Variants in MYBBP1A observed in about 807,000 individuals in gnomAD.
MYBBP1A encodes myb-binding protein 1A.
In MYBBP1A, 147 loss-of-function variants were observed where a neutral mutation model predicts 136.3. That is an observed-to-expected ratio of 1.08 (90% CI 0.94 to 1.24). The LOEUF is 1.24. MYBBP1A is among the 50% of genes most tolerant of loss of function. The pLI is 0.00. For synonymous variants in MYBBP1A, 947 were observed against 735.8 expected (o/e 1.29, Z -4.65); for missense variants, 2,060 against 1,727.4 (o/e 1.19, Z -3.41).
chr17:4,551,847 C>T (rs774977296), intron 8 of MYBBP1A, 33 bp downstream of exon 8: 2 of 1,586,078 alleles, frequency 1.3e-6, no homozygotes, highest in Non-Finnish European at 1.7e-6. Context: ...TCTAGCCTTT[C>T]TGGCAGTGTC....
chr17:4,545,766 A>C lies in MYBBP1A; in HGVS notation c.1922-5T>G, dbSNP rs375461831. On this transcript the variant is annotated splice_polypyrimidine_tract_variant and splice_region_variant and intron_variant, in intron 14 of 25. Coordinates refer to ENST00000254718, the MANE Select transcript of MYBBP1A (RefSeq NM_014520.4). ...CCCACGGGGGTTCCTGGGGGTCTGC[A>C]AGAGGGAGGGGTTGAGCCCGGATAG... 4.4e-6 allele frequency: 7 copies of C among 1,606,116 alleles called. No homozygotes were observed. The African/African-American group carries it at 9.4e-5, about 21-fold the overall frequency.
chr17:4,544,437 T>C, intron 19 of MYBBP1A, 52 bp downstream of exon 19: 1 of 1,537,848 alleles, frequency 6.5e-7, no homozygotes, highest in Admixed American at 2.0e-5. Flanking sequence ...CTGGCTCTCC[T>C]GCGCCTGGGG....
At position 4,539,036 on chromosome 17, in the gene MYBBP1A, C is replaced by A. The variant is rs1445495320; in HGVS notation, c.*379G>T. 8.8e-6 allele frequency: 8 copies of A among 909,788 alleles called. No homozygotes were observed. The highest frequency in any genetic ancestry group is 1.3e-5 in the South Asian group (1 of 76,808). The allele number at this position is 909,788 out of a possible 1,614,324, so 56.4% of individuals were successfully genotyped here. A position where few individuals can be genotyped will look rare whatever the true frequency, so the allele number is the denominator to read the frequency against. ...TGAAGAAATAAACCTATTTAAATCA[C>A]CCCCTGGTGGCTCCCTCACAGCAAA... On this transcript the variant is annotated 3_prime_UTR_variant, in exon 26 of 26. Transcript: ENST00000254718.
At position 4,539,027 on chromosome 17, in the gene MYBBP1A, T is replaced by C; in HGVS notation, c.*388A>G. The stretch of plus-strand genomic sequence containing the variant: ...TCTTGTAAATGAAGAAATAAACCTA[T>C]TTAAATCACCCCCTGGTGGCTCCCT... On this transcript the variant is annotated 3_prime_UTR_variant, in exon 26 of 26. Coordinates refer to ENST00000254718, the MANE Select transcript of MYBBP1A (RefSeq NM_014520.4). 1.1e-6 allele frequency: 1 copy of C among 871,264 alleles called. No individual in the cohort carries two copies. Among genetic ancestry groups the C allele is most frequent in the South Asian group, 1.3e-5 (1 of 76,170 alleles). 54.0% of individuals were successfully genotyped at this position (871,264 alleles called of 1,614,324 possible).
chr17:4,540,309 G>C, intron 25 of MYBBP1A, 39 bp downstream of exon 25: 1 of 1,566,792 alleles, frequency 6.4e-7, no homozygotes. Flanking sequence ...GGTGTTCCCA[G>C]CCCCTACCCA....
At position 4,539,413 on chromosome 17, in the gene MYBBP1A, G is replaced by A. The variant is rs958655226; in HGVS notation, c.*2C>T. The A allele has an allele frequency of 1.8e-5, 29 of 1,607,326 alleles. No homozygotes were observed. Among genetic ancestry groups the A allele is most frequent in the Non-Finnish European group, 2.5e-5 (29 of 1,175,170 alleles). ...GGGGCTGAGGGGGGCCCGTACCTGT[G>A]CTCAGGGCTTCCCTGCCTTCCTCAC... On this transcript the variant is annotated 3_prime_UTR_variant, in exon 26 of 26. Coordinates refer to ENST00000254718, the MANE Select transcript of MYBBP1A (RefSeq NM_014520.4).
At chr17:4,540,698 C>A (rs975081453) in intron 24 of MYBBP1A, among the ~76,000 whole-genome samples, 1 of 152,060 alleles carries the variant, frequency 6.6e-6, no homozygotes, top group Non-Finnish European at 1.5e-5. Context: ...TTCCCATAGC[C>A]AAAGGCCTGG....
rs761878579 is a variant in MYBBP1A, at chr17:4,542,654, T to C, written c.2980A>G (p.Thr994Ala). 1.2e-6 allele frequency: 2 copies of C among 1,613,712 alleles called. No individual in the cohort carries two copies. Among genetic ancestry groups the C allele is most frequent in the Non-Finnish European group, 1.7e-6 (2 of 1,179,902 alleles). The change falls in exon 21 of 26, where the codon ACA (threonine) becomes GCA (alanine). Residue 994 changes from threonine to alanine, a missense_variant. Thr to Ala is a moderately conservative substitution (Grantham distance 58). Coordinates refer to ENST00000254718, the MANE Select transcript of MYBBP1A (RefSeq NM_014520.4). ...SFLTKRNSPL[T>A]VPMFLSLFSR... is the part of the protein sequence containing the mutation. ...AAGAGGCTGAGGAACATGGGAACTG[T>C]GAGGGGGCTGTTGCGCTTGGTCAGG...
rs1239110648 is a variant in MYBBP1A at position 4,539,614 on chromosome 17, C to T, written c.3788G>A (p.Gly1263Glu). The change falls in exon 26 of 26, where the codon GGA (glycine) becomes GAA (glutamate). Residue 1263 changes from glycine to glutamate, a missense_variant. Gly to Glu is a moderately conservative substitution (Grantham distance 98). Coordinates refer to ENST00000254718, the MANE Select transcript of MYBBP1A (RefSeq NM_014520.4). ...AGGTTCCGTGGGGGACCCGGGAGCT[C>T]CATTCACCTGGGACGGCTTCTGGTT... ...KKNQKPSQVNGAPGSPTEPAG... is the reference protein window; with the variant it reads ...KKNQKPSQVNEAPGSPTEPAG... 3.7e-6 allele frequency: 6 copies of T among 1,613,872 alleles called. No homozygotes were observed. The highest frequency in any genetic ancestry group is 2.7e-5 in the African/African-American group (2 of 74,876).
At chr17:4,541,277 C>T (rs896400053) in intron 24 of MYBBP1A, among the ~76,000 whole-genome samples, 186 bp downstream of exon 24, 1 of 152,282 alleles carries the variant, frequency 6.6e-6, no homozygotes, top group Non-Finnish European at 1.5e-5. Flanking sequence ...CTTCCCAAGT[C>T]ACTCACCCAT....
chr17:4,541,975 G>A (rs989372560), intron 22 of MYBBP1A, 84 bp from the exon 23 acceptor site: 9 of 985,536 alleles, frequency 9.1e-6, no homozygotes, highest in East Asian at 5.1e-5. Flanking sequence ...TCGGGGGCCC[G>A]CTGGGCACTG....
At chr17:4,549,302 G>A (rs747741009) in intron 10 of MYBBP1A, 30 bp downstream of exon 10, 2 of 1,598,902 alleles carry the variant, frequency 1.3e-6, no homozygotes, top group South Asian at 2.2e-5. Context: ...ACACGCCCAT[G>A]GGAAGCTGGG....
chr17:4,545,910 G>A lies in MYBBP1A; in HGVS notation c.1857C>T (p.Asp619=). ...SPAESCDLLG[D]IQTCIRKSLG... ...GACTTTTCCTGATGCAGGTCTGGAT[G>A]TCACCCAGCAGGTCACAGCTCTCTG... is the stretch of plus-strand genomic sequence containing the variant. Residue 619 remains aspartate (D), a synonymous_variant, in exon 14 of 26, where the codon GAC becomes GAT. Transcript: ENST00000254718. 6.2e-7 allele frequency: 1 copy of A among 1,613,394 alleles called. No homozygotes were observed. Among genetic ancestry groups the A allele is most frequent in the Non-Finnish European group, 8.5e-7 (1 of 1,180,010 alleles).
chr17:4,551,797 G>A (rs146135204), intron 8 of MYBBP1A, 83 bp downstream of exon 8: 8 of 1,243,714 alleles, frequency 6.4e-6, no homozygotes, highest in African/African-American at 4.4e-5. Context: ...CCAAGCCCCC[G>A]AGGTGCCCTG....
In MYBBP1A at chr17:4,539,436, C is replaced by CA; in HGVS notation, c.3965dup (p.Arg1323GlufsTer22). Reference sequence around the variant, plus strand: ...GTGCTCAGGGCTTCCCTGCCTTCCTCACCTGTGCTTTCTTCTTGGCCCCAC... The same window carrying CA: ...GTGCTCAGGGCTTCCCTGCCTTCCTCAACCTGTGCTTTCTTCTTGGCCCCAC... On this transcript the variant is annotated frameshift_variant, in exon 26 of 26. Coordinates refer to ENST00000254718, the MANE Select transcript of MYBBP1A (RefSeq NM_014520.4). LOFTEE classifies it low-confidence loss of function (END_TRUNC). 1 of 1,613,390 alleles carries CA rather than the reference C, an allele frequency of 6.2e-7. No homozygotes were observed. Among genetic ancestry groups the CA allele is most frequent in the Non-Finnish European group, 8.5e-7 (1 of 1,179,492 alleles).
chr17:4,540,058 C>A, intron 25 of MYBBP1A, 91 bp from the exon 26 acceptor site: 1 of 1,430,330 alleles, frequency 7.0e-7, no homozygotes, highest in South Asian at 1.3e-5. Flanking sequence ...TTCTGAGGGT[C>A]CTCTGAGGCC....
Position 4,553,789 on chromosome 17 carries a change from G to A in MYBBP1A, c.561+21C>T, listed in dbSNP as rs371524338. 2.0e-5 allele frequency: 32 copies of A among 1,600,834 alleles called. No individual in the cohort carries two copies. In the Admixed American group the frequency reaches 2.2e-4, roughly 11 times the overall value. On this transcript the variant is annotated intron_variant, in intron 5 of 25. Coordinates refer to ENST00000254718, the MANE Select transcript of MYBBP1A (RefSeq NM_014520.4). Reference sequence around the variant, plus strand: ...CTGTAACAAAGTGTTGCCTGGGCCCGCACAGCTGGGGAGCTCATACCTCGG... The same window carrying A: ...CTGTAACAAAGTGTTGCCTGGGCCCACACAGCTGGGGAGCTCATACCTCGG...
At position 4,549,195 on chromosome 17, in the gene MYBBP1A, T is replaced by C. The variant is rs937590846; in HGVS notation, c.1430+137A>G. 5.8e-6 allele frequency: 4 copies of C among 691,622 alleles called. No individual in the cohort carries two copies. The African/African-American group carries it at 7.2e-5, about 12-fold the overall frequency. 42.8% of individuals were successfully genotyped at this position (691,622 alleles called of 1,614,324 possible). A position where few individuals can be genotyped will look rare whatever the true frequency, so the allele number is the denominator to read the frequency against. On this transcript the variant is annotated intron_variant, in intron 10 of 25. Transcript: ENST00000254718. ...CACGGGTTCCTGAGGAATTCCCAAGTCCCCTTGTGCCTGCCCCCCACTGAT... is the reference window on the plus strand; with the variant it reads ...CACGGGTTCCTGAGGAATTCCCAAGCCCCCTTGTGCCTGCCCCCCACTGAT...
chr17:4,553,545 A>G (rs1469666645), intron 5 of MYBBP1A, among the ~76,000 whole-genome samples: 2 of 152,230 alleles, frequency 1.3e-5, no homozygotes, highest in Non-Finnish European at 2.9e-5. Flanking sequence ...ACACCTGACA[A>G]AAAGAGTGTA....
Sources: allele counts gnomAD v4.1 joint callset (sites outside exome capture counted in the v4.1 genomes callset), GRCh38; gene constraint gnomAD v4.1.1; transcripts MANE v1.5; gene names NCBI Gene and HGNC (gene_info 2026-07-23, HGNC 2026-07-21).